Variants in LUZP2 observed in about 807,000 individuals in gnomAD.
LUZP2 encodes leucine zipper protein 2.
Under a neutral mutation model 51.6 loss-of-function variants are expected in LUZP2, and 52 were observed. That is an observed-to-expected ratio of 1.01 (90% CI 0.81 to 1.27). LUZP2 has a LOEUF of 1.27. LUZP2 is among the 50% of genes most tolerant of loss of function. The probability of loss-of-function intolerance (pLI) is 0.00; values close to 1 mark genes in which losing one functional copy is unlikely to be tolerated. For missense variants in LUZP2, 436 were observed against 395.4 expected (o/e 1.10, Z -0.87); for synonymous variants, 154 against 137.3 (o/e 1.12, Z -0.85).
chr11:24,640,514 T>C (rs1210099385), intron 1 of LUZP2, among the ~76,000 whole-genome samples: 1 of 151,898 alleles, frequency 6.6e-6, no homozygotes, highest in Non-Finnish European at 1.5e-5. Flanking sequence ...TAAAACAGGA[T>C]TTACATGACT....
intron 6 of LUZP2, among the ~76,000 whole-genome samples, chr11:24,907,297 T>G (rs927020342): frequency 2.2e-5 from 1 of 45,754 alleles, no homozygotes. Flanking sequence ...TTAACACAAA[T>G]ACAAAAAAAA....
chr11:24,565,420 T>A (rs1272642963), intron 1 of LUZP2, among the ~76,000 whole-genome samples: 1 of 152,124 alleles, frequency 6.6e-6, no homozygotes. Context: ...GACGTGAAGG[T>A]AAATATTTGC....
chr11:24,901,269 CA>C (rs147990062), intron 5 of LUZP2, among the ~76,000 whole-genome samples: 2,320 of 151,966 alleles, frequency 0.015, 67 homozygotes, highest in African/African-American at 0.053. Flanking sequence ...GTTATTTTCT[CA>C]ATTGATTTTT....
At chr11:24,597,872 CG>C (rs980706945) in intron 1 of LUZP2, among the ~76,000 whole-genome samples, 3 of 151,962 alleles carry the variant, frequency 2.0e-5, no homozygotes, top group African/African-American at 7.2e-5. Flanking sequence ...GAGGCCAAGG[CG>C]GGTGGAACAC....
At chr11:24,591,040 T>G (rs1383052561) in intron 1 of LUZP2, among the ~76,000 whole-genome samples, 1 of 152,080 alleles carries the variant, frequency 6.6e-6, no homozygotes, top group Admixed American at 6.6e-5. Flanking sequence ...ACCCAGGAGG[T>G]TGAGGTTACA....
intron 7 of LUZP2, among the ~76,000 whole-genome samples, chr11:24,930,174 T>C (rs1854403797): frequency 6.6e-6 from 1 of 152,186 alleles, no homozygotes; most frequent in African/African-American, 2.4e-5. Flanking sequence ...TGGTGAATGT[T>C]TGTGCATTCT....
At chr11:24,878,915 C>T (rs1483947861) in intron 5 of LUZP2, among the ~76,000 whole-genome samples, 2 of 151,828 alleles carry the variant, frequency 1.3e-5, no homozygotes, top group Non-Finnish European at 2.9e-5. Flanking sequence ...TGATAGCTTC[C>T]AGCTTCATCC....
chr11:25,017,510 A>T (rs1031505055), intron 9 of LUZP2, among the ~76,000 whole-genome samples: 1 of 152,094 alleles, frequency 6.6e-6, no homozygotes, highest in South Asian at 2.1e-4. Context: ...CATTTATTGA[A>T]TGGGGTGTTG....
chr11:24,806,800 C>G (rs1254885602), intron 5 of LUZP2, among the ~76,000 whole-genome samples: 1 of 151,754 alleles, frequency 6.6e-6, no homozygotes, highest in East Asian at 1.9e-4. Context: ...CAATCTTTGA[C>G]TATTAAAAGC....
chr11:24,954,957 T>G (rs1855174998), intron 7 of LUZP2, among the ~76,000 whole-genome samples: 2 of 151,994 alleles, frequency 1.3e-5, no homozygotes, highest in East Asian at 1.9e-4. Context: ...TTCCACAACT[T>G]TAGGAAGAAG....
intron 6 of LUZP2, among the ~76,000 whole-genome samples, chr11:24,910,887 A>C (rs1853611143): frequency 6.6e-6 from 1 of 152,094 alleles, no homozygotes; most frequent in Non-Finnish European, 1.5e-5. Flanking sequence ...TGGAAAAGGC[A>C]TGGGCACTCA....
At chr11:24,699,765 A>C (rs1590365581) in intron 1 of LUZP2, among the ~76,000 whole-genome samples, 1 of 146,448 alleles carries the variant, frequency 6.8e-6, no homozygotes, top group African/African-American at 2.5e-5. Context: ...ATATATATAT[A>C]TCTCATATAT....
intron 5 of LUZP2, among the ~76,000 whole-genome samples, chr11:24,872,040 T>C (rs750805067): frequency 6.6e-6 from 1 of 152,096 alleles, no homozygotes; most frequent in African/African-American, 2.4e-5. Flanking sequence ...TCTGTTTTCA[T>C]CCCCACACCA....
At chr11:24,506,645 C>T (rs1438433756) in intron 1 of LUZP2, among the ~76,000 whole-genome samples, 2 of 152,074 alleles carry the variant, frequency 1.3e-5, no homozygotes. Flanking sequence ...ACAGGTTAGA[C>T]CAAGATTTCT....
chr11:24,736,227 C>A (rs2133979715), intron 3 of LUZP2, among the ~76,000 whole-genome samples: 1 of 151,732 alleles, frequency 6.6e-6, no homozygotes, highest in Non-Finnish European at 1.5e-5. Flanking sequence ...ATCTATCTAT[C>A]TATATTTGTA....
intron 1 of LUZP2, among the ~76,000 whole-genome samples, chr11:24,546,438 T>G (rs1463502784): frequency 6.6e-6 from 1 of 152,062 alleles, no homozygotes; most frequent in East Asian, 1.9e-4. Flanking sequence ...TGGCTCCTAT[T>G]ATTTTGAAAT....
chr11:25,050,584 A>G (rs563353072), intron 10 of LUZP2, among the ~76,000 whole-genome samples: 22 of 152,214 alleles, frequency 1.4e-4, no homozygotes, highest in East Asian at 1.2e-3. Context: ...GATTACAGGC[A>G]TGAGCCACTG....
In LUZP2 at chr11:24,766,872, C is replaced by G. The variant is rs1447271997; in HGVS notation, c.396+3564C>G. The stretch of plus-strand genomic sequence containing the variant: ...CACCTCTTGGGTTCAAGTGATACCC[C>G]TGGCTCAGCCTCCTGAGTAGCTGGG... On this transcript the variant is annotated intron_variant, in intron 5 of 11. Coordinates refer to ENST00000336930, the MANE Select transcript of LUZP2 (RefSeq NM_001009909.4). 3.9e-5 allele frequency among the ~76,000 whole-genome samples: 6 copies of G among 152,292 alleles called. No individual in the cohort carries two copies. The East Asian group carries it at 1.2e-3, about 29-fold the overall frequency.
chr11:24,608,807 C>T (rs1477816883), intron 1 of LUZP2, among the ~76,000 whole-genome samples: 3 of 152,088 alleles, frequency 2.0e-5, no homozygotes, highest in Non-Finnish European at 4.4e-5. Context: ...CAATTATCTT[C>T]CAAATAATTA....
Sources: gnomAD v4.1 joint callset for allele counts (sites outside exome capture counted in the v4.1 genomes callset) on GRCh38, gnomAD v4.1.1 for gene constraint, MANE v1.5 for transcripts, NCBI Gene and HGNC (gene_info 2026-07-23, HGNC 2026-07-21) for gene names.